Variants in ASIC2 observed in about 807,000 individuals in gnomAD.
ASIC2 encodes acid-sensing ion channel 2.
ASIC2 carries 25 observed loss-of-function variants against 57.3 expected under a neutral mutation model. That is an observed-to-expected ratio of 0.44 (90% confidence interval 0.32 to 0.61). ASIC2 has a LOEUF of 0.61. ASIC2 is among the 20% of genes least tolerant of loss of function. The pLI is 0.06. For synonymous variants in ASIC2, 319 were observed against 307.5 expected (o/e 1.04, Z -0.39); for missense variants, 641 against 738.1 (o/e 0.87, Z 1.52).
At chr17:33,410,206 A>G (rs1054148828) in intron 1 of ASIC2, among the ~76,000 whole-genome samples, 8 of 152,264 alleles carry the variant, frequency 5.3e-5, no homozygotes, top group African/African-American at 1.7e-4. Context: ...TACCATTTCC[A>G]GCAACAGTGG....
chr17:33,535,896 A>C (rs529732445), intron 1 of ASIC2, among the ~76,000 whole-genome samples: 5 of 152,332 alleles, frequency 3.3e-5, no homozygotes, highest in Non-Finnish European at 2.9e-5. Flanking sequence ...TGCATAAAAG[A>C]GACATCAACT....
chr17:34,131,979 G>A (rs1324912323), intron 1 of ASIC2, among the ~76,000 whole-genome samples: 1 of 152,092 alleles, frequency 6.6e-6, no homozygotes, highest in Non-Finnish European at 1.5e-5. Flanking sequence ...GGAAACTTTT[G>A]TGACAATTGT....
At chr17:33,535,613 C>CTGATG (rs1246220120) in intron 1 of ASIC2, among the ~76,000 whole-genome samples, 2 of 152,138 alleles carry the variant, frequency 1.3e-5, no homozygotes, top group Non-Finnish European at 2.9e-5. Flanking sequence ...GGTTATGAAG[C>CTGATG]TGATGTGCCT....
chr17:33,838,195 T>TGCA lies in ASIC2; in HGVS notation c.555+317780_555+317782dup, dbSNP rs1037750060. 1.7e-3 allele frequency among the ~76,000 whole-genome samples: 259 copies of TGCA among 152,342 alleles called. 3 individuals carry two copies. Among genetic ancestry groups the TGCA allele is most frequent in the African/African-American group, 6.0e-3 (249 of 41,574 alleles). On this transcript the variant is annotated intron_variant, in intron 1 of 9. Coordinates refer to the ASIC2 transcript ENST00000359872. ...TTATCTCTGCATCTTCACAGGGATT[T>TGCA]GCACACAGATGCTTCATAAATGACT...
chr17:33,755,144 G>A (rs1158674226), intron 1 of ASIC2, among the ~76,000 whole-genome samples: 1 of 152,028 alleles, frequency 6.6e-6, no homozygotes, highest in Non-Finnish European at 1.5e-5. Context: ...GAAGGCAGGG[G>A]GACATTTGAC....
chr17:33,014,130 A>G lies in ASIC2; in HGVS notation c.1591-64T>C, dbSNP rs1044510905. ...AGCAAAAATTCTTCATGATGCCACC[A>G]GCGGCCCAGCCTAGGCCCTGGGGAA... On this transcript the variant is annotated intron_variant, in intron 9 of 9. Transcript: ENST00000225823. 11 of 1,322,958 alleles carry G rather than the reference A, an allele frequency of 8.3e-6. No individual in the cohort carries two copies. The African/African-American group carries it at 1.2e-4, about 14-fold the overall frequency. 82.0% of individuals were successfully genotyped at this position (1,322,958 alleles called of 1,614,324 possible). A position where few individuals can be genotyped will look rare whatever the true frequency, so the allele number is the denominator to read the frequency against.
At position 33,035,884 on chromosome 17, in the gene ASIC2, T is replaced by G. The variant is rs73274002; in HGVS notation, c.988-7492A>C. 3.5e-3 allele frequency among the ~76,000 whole-genome samples: 527 copies of G among 152,340 alleles called. 4 individuals carry two copies. Among genetic ancestry groups the G allele is most frequent in the African/African-American group, 0.012 (485 of 41,578 alleles). On this transcript the variant is annotated intron_variant, in intron 3 of 9. Coordinates refer to ENST00000225823, the MANE Select transcript of ASIC2 (RefSeq NM_183377.2). ...TTTCTAGGATTTTCCCTTCCAATTTTCAGCCTTTCTGGCAACCCTGAATAC... is the reference window on the plus strand; with the variant it reads ...TTTCTAGGATTTTCCCTTCCAATTTGCAGCCTTTCTGGCAACCCTGAATAC...
chr17:33,018,816 T>C (rs984630313), intron 7 of ASIC2, among the ~76,000 whole-genome samples: 6 of 151,222 alleles, frequency 4.0e-5, no homozygotes, highest in Non-Finnish European at 2.9e-5. Context: ...GAAAGAGGTT[T>C]GGGAATTGGG....
intron 1 of ASIC2, among the ~76,000 whole-genome samples, chr17:33,530,704 G>A (rs559676719): frequency 6.6e-6 from 1 of 152,350 alleles, no homozygotes; most frequent in Non-Finnish European, 1.5e-5. Flanking sequence ...ACAGCTCATA[G>A]TCCTGCCTAG....
At chr17:33,818,536 T>C (rs1912655428) in intron 1 of ASIC2, among the ~76,000 whole-genome samples, 1 of 152,132 alleles carries the variant, frequency 6.6e-6, no homozygotes, top group Non-Finnish European at 1.5e-5. Flanking sequence ...GAAGGTAATT[T>C]TGTCCCCCAG....
chr17:33,800,998 A>C (rs1431254680), intron 1 of ASIC2, among the ~76,000 whole-genome samples: 4 of 152,216 alleles, frequency 2.6e-5, no homozygotes. Flanking sequence ...AACTTCATGC[A>C]CAGGAAGAAC....
At position 33,136,861 on chromosome 17, in the gene ASIC2, T is replaced by C. The variant is rs376100290; in HGVS notation, c.709-24794A>G. ...CCCAGTCCTGCTGCTAAATAGGAAA[T>C]TCATTGCAAAAAGGGATGTGGAGTT... On this transcript the variant is annotated intron_variant, in intron 1 of 9. Coordinates refer to ENST00000225823, the MANE Select transcript of ASIC2 (RefSeq NM_183377.2). 1.5e-3 allele frequency among the ~76,000 whole-genome samples: 225 copies of C among 152,260 alleles called. 4 individuals carry two copies. The South Asian group carries it at 0.045, about 30-fold the overall frequency.
intron 1 of ASIC2, among the ~76,000 whole-genome samples, chr17:33,727,035 A>G (rs1005549843): frequency 4.6e-5 from 7 of 152,238 alleles, no homozygotes; most frequent in African/African-American, 1.7e-4. Flanking sequence ...TGAATCTCCT[A>G]GAAGGTTTTG....
chr17:33,821,395 T>C (rs1912741995), intron 1 of ASIC2, among the ~76,000 whole-genome samples: 1 of 152,216 alleles, frequency 6.6e-6, no homozygotes, highest in South Asian at 2.1e-4. Context: ...CTAATCTTTG[T>C]TGAGTCTATG....
intron 1 of ASIC2, among the ~76,000 whole-genome samples, chr17:34,059,418 G>C (rs192684830): frequency 6.6e-6 from 1 of 152,268 alleles, no homozygotes; most frequent in East Asian, 1.9e-4. Flanking sequence ...AGGAGCAGAG[G>C]GTAAAACTCC....
At chr17:33,491,785 G>C (rs187282739) in intron 1 of ASIC2, among the ~76,000 whole-genome samples, 2 of 152,314 alleles carry the variant, frequency 1.3e-5, no homozygotes, top group Non-Finnish European at 2.9e-5. Flanking sequence ...TCACTCCTCT[G>C]AGAACCTCTC....
At chr17:33,112,374 T>C (rs1396252868) in intron 1 of ASIC2, among the ~76,000 whole-genome samples, 1 of 152,174 alleles carries the variant, frequency 6.6e-6, no homozygotes, top group Non-Finnish European at 1.5e-5. Context: ...ATGTCATCTG[T>C]AAACTCCTGA....
intron 1 of ASIC2, chr17:34,006,734 C>A (rs1906538478): frequency 6.6e-6 from 1 of 152,012 alleles, no homozygotes; most frequent in Admixed American, 6.5e-5. Flanking sequence ...TAAGACAAAA[C>A]CCGAAATATC....
chr17:33,272,350 GTTGT>G (rs1347690505), intron 1 of ASIC2, among the ~76,000 whole-genome samples: 19 of 152,292 alleles, frequency 1.2e-4, no homozygotes, highest in African/African-American at 4.3e-4. Flanking sequence ...CTGTGTCTGT[GTTGT>G]TTGTTTGCTG....
Sources: allele counts gnomAD v4.1 joint callset (sites outside exome capture counted in the v4.1 genomes callset), GRCh38; gene constraint gnomAD v4.1.1; transcripts MANE v1.5; gene names NCBI Gene and HGNC (gene_info 2026-07-23, HGNC 2026-07-21).